Variants in LHPP observed in about 807,000 individuals in gnomAD.
LHPP encodes the protein hLHPP.
LHPP carries 24 observed loss-of-function variants against 30.3 expected under a neutral mutation model. That is an observed-to-expected ratio of 0.79 (90% CI 0.57 to 1.11). The LOEUF is 1.11. LHPP is among the 50% of genes most tolerant of loss of function. LHPP has a pLI of 0.00. For synonymous variants in LHPP, 150 were observed against 157.1 expected (o/e 0.95, Z 0.34); for missense variants, 356 against 367.2 (o/e 0.97, Z 0.25).
chr10:124,508,161 C>T (rs1025560559), intron 5 of LHPP, among the ~76,000 whole-genome samples: 1 of 152,024 alleles, frequency 6.6e-6, no homozygotes, highest in African/African-American at 2.4e-5. Flanking sequence ...ACATGGGGGC[C>T]ACTCCGGCCC....
intron 6 of LHPP, among the ~76,000 whole-genome samples, chr10:124,609,678 A>G (rs922842637): frequency 2.0e-5 from 3 of 152,200 alleles, no homozygotes; most frequent in African/African-American, 7.2e-5. Context: ...TTCCGTTAGG[A>G]AGCTGCCGTC....
intron 1 of LHPP, among the ~76,000 whole-genome samples, chr10:124,467,118 T>TTAA (rs1554876501): frequency 1.6e-5 from 1 of 63,564 alleles, no homozygotes; most frequent in Non-Finnish European, 4.7e-5. Context: ...AGTGAGACTC[T>TTAA]AAAAAAAAAA....
intron 6 of LHPP, among the ~76,000 whole-genome samples, chr10:124,544,870 C>T (rs1217015120): frequency 6.7e-6 from 1 of 149,046 alleles, no homozygotes; most frequent in African/African-American, 2.4e-5. Flanking sequence ...GGAAGGCGAT[C>T]ACATCGAGTG....
chr10:124,601,404 T>C (rs976816902), intron 6 of LHPP, among the ~76,000 whole-genome samples: 1 of 152,204 alleles, frequency 6.6e-6, no homozygotes, highest in Non-Finnish European at 1.5e-5. Flanking sequence ...GGGCCTTACG[T>C]ACGTGAATTG....
intron 6 of LHPP, among the ~76,000 whole-genome samples, chr10:124,581,700 G>A (rs1457146947): frequency 6.6e-6 from 1 of 152,112 alleles, no homozygotes; most frequent in Admixed American, 6.6e-5. Context: ...TTGGCCACCT[G>A]TATGTCTTCC....
At chr10:124,559,794 G>A (rs539634486) in intron 6 of LHPP, among the ~76,000 whole-genome samples, 1 of 152,382 alleles carries the variant, frequency 6.6e-6, no homozygotes, top group East Asian at 1.9e-4. Flanking sequence ...TGGTGGCACA[G>A]GCCTTCCCTT....
Position 124,613,637 on chromosome 10 carries a change from T to C in LHPP, c.*277T>C. On this transcript the variant is annotated 3_prime_UTR_variant, in exon 7 of 7. Coordinates refer to ENST00000368842, the MANE Select transcript of LHPP (RefSeq NM_022126.4). ...GGGCCCTGACTTCAGCTCCCTGTAG[T>C]GAAGTCCAGGAGGGTGGGACAGGCC... is the stretch of plus-strand genomic sequence containing the variant. 1 of 530,634 alleles carries C rather than the reference T, an allele frequency of 1.9e-6. No individual in the cohort carries two copies. The highest frequency in any genetic ancestry group is 3.4e-6 in the Non-Finnish European group (1 of 292,042). The allele number at this position is 530,634 out of a possible 1,614,324, so 32.9% of individuals were successfully genotyped here. A position where few individuals can be genotyped will look rare whatever the true frequency, so the allele number is the denominator to read the frequency against.
At chr10:124,493,301 A>G (rs368210419) in intron 3 of LHPP, among the ~76,000 whole-genome samples, 14 of 152,290 alleles carry the variant, frequency 9.2e-5, no homozygotes, top group African/African-American at 3.1e-4. Flanking sequence ...TTCTCAGGAC[A>G]GCCTGAGGAC....
chr10:124,550,693 G>A lies in LHPP; in HGVS notation c.716+33422G>A, dbSNP rs117565926. The stretch of plus-strand genomic sequence containing the variant: ...TGCCTTTTCCCTACCTTGGCTGATC[G>A]TGGGGAAGATAGACTCACTTCCCCT... On this transcript the variant is annotated intron_variant, in intron 6 of 6. Transcript: ENST00000368842. 5.2e-4 allele frequency among the ~76,000 whole-genome samples: 79 copies of A among 152,298 alleles called. 1 individual carries two copies. The East Asian group carries it at 0.01, about 20-fold the overall frequency.
intron 6 of LHPP, among the ~76,000 whole-genome samples, chr10:124,530,749 G>C (rs562977758): frequency 2.4e-3 from 358 of 152,300 alleles, no homozygotes; most frequent in Non-Finnish European, 4.1e-3. Flanking sequence ...CATTCCTCAG[G>C]ACACTGACCC....
At chr10:124,535,940 C>T (rs1955013548) in intron 6 of LHPP, among the ~76,000 whole-genome samples, 1 of 152,280 alleles carries the variant, frequency 6.6e-6, no homozygotes. Flanking sequence ...CCCTGGACCT[C>T]CCCTAATTCA....
chr10:124,485,174 G>A (rs754591294), intron 2 of LHPP, among the ~76,000 whole-genome samples: 28 of 152,224 alleles, frequency 1.8e-4, no homozygotes, highest in Non-Finnish European at 3.1e-4. Context: ...AAGGGTGACA[G>A]GCCTGGCCTT....
rs562503066 is a variant in LHPP, at chr10:124,604,281, G to A, written c.717-8983G>A. 1.1e-4 allele frequency among the ~76,000 whole-genome samples: 17 copies of A among 152,242 alleles called. 1 individual carries two copies. The highest frequency in any genetic ancestry group is 4.6e-4 in the Admixed American group (7 of 15,302). Reference sequence around the variant, plus strand: ...CCCCGTAAGGAGGCCACCGACCCTCGGGCACCTGCCAGGGACCCAGCTCAG... The same window carrying A: ...CCCCGTAAGGAGGCCACCGACCCTCAGGCACCTGCCAGGGACCCAGCTCAG... On this transcript the variant is annotated intron_variant, in intron 6 of 6. Coordinates refer to ENST00000368842, the MANE Select transcript of LHPP (RefSeq NM_022126.4).
At chr10:124,532,629 A>T (rs901589335) in intron 6 of LHPP, among the ~76,000 whole-genome samples, 1 of 152,236 alleles carries the variant, frequency 6.6e-6, no homozygotes, top group Non-Finnish European at 1.5e-5. Context: ...GTTAAACTGA[A>T]TAACAACAAT....
chr10:124,597,916 G>T (rs765108569), intron 6 of LHPP, among the ~76,000 whole-genome samples: 1 of 152,230 alleles, frequency 6.6e-6, no homozygotes, highest in Non-Finnish European at 1.5e-5. Flanking sequence ...TCTGCTCCAA[G>T]GCCCTACGCC....
intron 6 of LHPP, among the ~76,000 whole-genome samples, chr10:124,519,805 A>G (rs1351012012): frequency 6.6e-6 from 1 of 151,038 alleles, no homozygotes; most frequent in African/African-American, 2.5e-5. Flanking sequence ...TCCATGGTGT[A>G]TATGTACCAC....
At chr10:124,582,122 C>T (rs899992923) in intron 6 of LHPP, among the ~76,000 whole-genome samples, 1 of 152,112 alleles carries the variant, frequency 6.6e-6, no homozygotes, top group East Asian at 1.9e-4. Context: ...TCTCTGTCAC[C>T]TAGGCTGGAG....
At chr10:124,472,560 CTTTT>C (rs1344794719) in intron 1 of LHPP, among the ~76,000 whole-genome samples, 1 of 141,582 alleles carries the variant, frequency 7.1e-6, no homozygotes, top group Non-Finnish European at 1.6e-5. Context: ...TATAAACTTA[CTTTT>C]TTTTTTTTTT....
At chr10:124,595,710 G>A (rs887185583) in intron 6 of LHPP, among the ~76,000 whole-genome samples, 2 of 152,108 alleles carry the variant, frequency 1.3e-5, no homozygotes, top group African/African-American at 4.8e-5. Context: ...TGGTTTCTGA[G>A]CCACCCTGCA....
Sources: allele counts gnomAD v4.1 joint callset (sites outside exome capture counted in the v4.1 genomes callset), GRCh38; gene constraint gnomAD v4.1.1; transcripts MANE v1.5; gene names NCBI Gene and HGNC (gene_info 2026-07-23, HGNC 2026-07-21).